Variants in SIL1 observed in about 807,000 individuals in gnomAD.
SIL1 encodes SIL1 nucleotide exchange factor.
Under a neutral mutation model 49.1 loss-of-function variants are expected in SIL1, and 40 were observed. The observed-to-expected ratio is 0.81, with a 90% CI of 0.63 to 1.06. The LOEUF is 1.06. SIL1 is among the 50% of genes least tolerant of loss of function. The pLI, the probability that SIL1 is intolerant of heterozygous loss-of-function variation, is 0.00. For missense variants in SIL1, 500 were observed against 572.6 expected, an observed-to-expected ratio of 0.87 and a Z score of 1.29; for synonymous variants, 253 against 250.8, an observed-to-expected ratio of 1.01 and a Z score of -0.08.
intron 4 of SIL1, among the ~76,000 whole-genome samples, chr5:139,049,182 A>G (rs1427919538): frequency 6.6e-6 from 1 of 151,954 alleles, no homozygotes; most frequent in Non-Finnish European, 1.5e-5. Flanking sequence ...TTTTTGTTTT[A>G]GTTTTTCTGA....
At chr5:138,951,924 G>T in intron 7 of SIL1, 40 bp from the exon 8 acceptor site, 1 of 1,555,512 alleles carries the variant, frequency 6.4e-7, no homozygotes. Flanking sequence ...ACCCTGCCCA[G>T]CCCAGGGATC....
At chr5:139,193,567 CA>C (rs545668237) in intron 1 of SIL1, among the ~76,000 whole-genome samples, 4 of 151,632 alleles carry the variant, frequency 2.6e-5, no homozygotes, top group Non-Finnish European at 5.9e-5. Context: ...GACTCCCTCT[CA>C]AAAAAACATT....
intron 3 of SIL1, among the ~76,000 whole-genome samples, chr5:139,063,965 T>C (rs1364873447): frequency 6.6e-6 from 1 of 152,242 alleles, no homozygotes; most frequent in East Asian, 1.9e-4. Context: ...CTCATTTATT[T>C]TCCTCAAACA....
At chr5:138,978,771 G>A (rs1358389349) in intron 7 of SIL1, among the ~76,000 whole-genome samples, 2 of 152,186 alleles carry the variant, frequency 1.3e-5, no homozygotes, top group Non-Finnish European at 2.9e-5. Context: ...GGGAGTTAAT[G>A]ATGTTGAGCA....
chr5:138,956,941 C>G (rs891671219), intron 7 of SIL1, among the ~76,000 whole-genome samples: 1 of 152,132 alleles, frequency 6.6e-6, no homozygotes, highest in Admixed American at 6.5e-5. Context: ...GGAGTTCCAT[C>G]TGGACACTGG....
At chr5:139,094,442 C>G (rs1770410564) in intron 3 of SIL1, among the ~76,000 whole-genome samples, 1 of 152,080 alleles carries the variant, frequency 6.6e-6, no homozygotes, top group Non-Finnish European at 1.5e-5. Context: ...ATAAACAACA[C>G]TAAGTAAAAT....
chr5:139,127,094 T>C (rs1750769050), intron 2 of SIL1, among the ~76,000 whole-genome samples: 3 of 152,226 alleles, frequency 2.0e-5, no homozygotes, highest in Admixed American at 2.0e-4. Flanking sequence ...ATTCTCCTCC[T>C]GCCAGTGGCA....
chr5:138,977,441 C>T (rs891069308), intron 7 of SIL1, among the ~76,000 whole-genome samples: 1 of 152,134 alleles, frequency 6.6e-6, no homozygotes, highest in East Asian at 1.9e-4. Context: ...AGTTCCTTCT[C>T]TCCCGCAAAG....
intron 4 of SIL1, among the ~76,000 whole-genome samples, chr5:139,042,990 C>T (rs1345070260): frequency 6.6e-6 from 1 of 151,990 alleles, no homozygotes; most frequent in Non-Finnish European, 1.5e-5. Flanking sequence ...AGAGTCAGAC[C>T]CTGTCTCTAA....
chr5:138,983,498 A>AT (rs1767579257), intron 7 of SIL1, among the ~76,000 whole-genome samples: 2 of 150,556 alleles, frequency 1.3e-5, no homozygotes, highest in East Asian at 3.9e-4. Flanking sequence ...ACAGAGCGAG[A>AT]TTTTGTCTCG....
At chr5:138,972,849 G>A (rs1361405213) in intron 7 of SIL1, among the ~76,000 whole-genome samples, 1 of 152,218 alleles carries the variant, frequency 6.6e-6, no homozygotes, top group African/African-American at 2.4e-5. Flanking sequence ...GGTAACATGA[G>A]GGTAAAACCC....
At chr5:139,005,277 G>C (rs958924641) in intron 7 of SIL1, among the ~76,000 whole-genome samples, 1 of 151,816 alleles carries the variant, frequency 6.6e-6, no homozygotes. Flanking sequence ...TTTAAAAGAA[G>C]TTCTAGTTGT....
chr5:139,150,642 C>T (rs936609054), intron 1 of SIL1, among the ~76,000 whole-genome samples: 8 of 152,166 alleles, frequency 5.3e-5, no homozygotes, highest in African/African-American at 1.9e-4. Context: ...TTCTGGAATA[C>T]CCAATATCCA....
chr5:139,163,804 C>T (rs762069640), intron 1 of SIL1, among the ~76,000 whole-genome samples: 33 of 152,178 alleles, frequency 2.2e-4, no homozygotes, highest in Admixed American at 1.5e-3. Flanking sequence ...ATTTCATCCT[C>T]ATCCAGCACT....
chr5:139,185,072 G>A (rs531568658), intron 1 of SIL1, among the ~76,000 whole-genome samples: 24 of 152,254 alleles, frequency 1.6e-4, no homozygotes, highest in African/African-American at 5.8e-4. Flanking sequence ...TCCCAGCCAG[G>A]GCCACTGCTT....
chr5:139,176,061 T>C (rs1187013708), intron 1 of SIL1, among the ~76,000 whole-genome samples: 1 of 152,080 alleles, frequency 6.6e-6, no homozygotes, highest in African/African-American at 2.4e-5. Context: ...AGTGCCACAA[T>C]CACAGCTCAC....
At chr5:139,098,796 GACT>G (rs1467447436) in intron 3 of SIL1, among the ~76,000 whole-genome samples, 1 of 138,028 alleles carries the variant, frequency 7.2e-6, no homozygotes, top group Non-Finnish European at 1.6e-5. Context: ...GATTTGAATA[GACT>G]TTTCTTACTC....
chr5:138,949,076 T>C (rs1766703047), intron 9 of SIL1, among the ~76,000 whole-genome samples: 1 of 152,212 alleles, frequency 6.6e-6, no homozygotes, highest in East Asian at 1.9e-4. Flanking sequence ...CTCAGGGGAA[T>C]TCTCTGATAA....
chr5:139,020,178 T>C (rs1234693818), intron 7 of SIL1, among the ~76,000 whole-genome samples: 1 of 152,130 alleles, frequency 6.6e-6, no homozygotes, highest in Non-Finnish European at 1.5e-5. Context: ...AGAGTGGTGA[T>C]AACGGAAACA....
Sources: allele counts gnomAD v4.1 joint callset (sites outside exome capture counted in the v4.1 genomes callset), GRCh38; gene constraint gnomAD v4.1.1; transcripts MANE v1.5; gene names NCBI Gene and HGNC (gene_info 2026-07-23, HGNC 2026-07-21).